Variants in PAPPA observed in about 807,000 individuals in gnomAD.
PAPPA encodes pappalysin 1, also known as pappalysin-1.
In PAPPA, 60 loss-of-function variants were observed where a neutral mutation model predicts 164.0. The ratio of observed to expected loss-of-function variants is 0.37; its 90% CI spans 0.30 to 0.45. PAPPA has a LOEUF of 0.45. PAPPA is among the 20% of genes least tolerant of loss of function. The pLI, the probability that PAPPA is intolerant of heterozygous loss-of-function variation, is 1.00. For synonymous variants in PAPPA, 875 were observed against 814.1 expected (o/e 1.07, Z -1.27); for missense variants, 1,782 against 2,087.3 (o/e 0.85, Z 2.85).
intron 7 of PAPPA, among the ~76,000 whole-genome samples, chr9:116,252,464 G>A (rs1285158652): frequency 6.6e-6 from 1 of 152,218 alleles, no homozygotes; most frequent in Non-Finnish European, 1.5e-5. Flanking sequence ...TCCTCAGCAT[G>A]ACAGCTTTGC....
Position 116,375,128 on chromosome 9 carries a change from C to G in PAPPA, c.4606-2448C>G, listed in dbSNP as rs181681893. 1.1e-3 allele frequency among the ~76,000 whole-genome samples: 167 copies of G among 152,292 alleles called. 3 individuals carry two copies. The South Asian group carries it at 0.028, about 26-fold the overall frequency. ...AACAAGTCTATGATGTTTTCAGTACCTATCTTGTGGATGAGAGAACCAAAT... is the reference window on the plus strand; with the variant it reads ...AACAAGTCTATGATGTTTTCAGTACGTATCTTGTGGATGAGAGAACCAAAT... On this transcript the variant is annotated intron_variant, in intron 19 of 21. Transcript: ENST00000328252.
At chr9:116,282,693 G>A (rs1299158350) in intron 9 of PAPPA, among the ~76,000 whole-genome samples, 1 of 152,134 alleles carries the variant, frequency 6.6e-6, no homozygotes, top group African/African-American at 2.4e-5. Flanking sequence ...ACTAATTTAT[G>A]CTACATCTCC....
At chr9:116,343,741 T>TTTTTTTTATTTATTTATTTA (rs1554753946) in intron 13 of PAPPA, among the ~76,000 whole-genome samples, 10 of 142,228 alleles carry the variant, frequency 7.0e-5, no homozygotes, top group Non-Finnish European at 1.1e-4. Flanking sequence ...TACCACTTAT[T>TTTTTTTTATTTATTTATTTA]TTTATTTATT....
chr9:116,283,940 G>A (rs985185669), intron 9 of PAPPA, among the ~76,000 whole-genome samples: 1 of 152,176 alleles, frequency 6.6e-6, no homozygotes, highest in South Asian at 2.1e-4. Context: ...CTGCCTCAGG[G>A]TTCATCCCCC....
At chr9:116,334,755 A>T (rs891023904) in intron 12 of PAPPA, 106 bp from the exon 13 acceptor site, 1 of 720,948 alleles carries the variant, frequency 1.4e-6, no homozygotes, top group African/African-American at 1.8e-5. Flanking sequence ...GCTTTTGTGC[A>T]GTGACATGAA....
intron 13 of PAPPA, among the ~76,000 whole-genome samples, chr9:116,339,484 A>C (rs1038773431): frequency 6.6e-6 from 1 of 152,174 alleles, no homozygotes; most frequent in African/African-American, 2.4e-5. Context: ...AGAACCTTTT[A>C]GGATCATTCC....
chr9:116,315,860 C>T (rs977850140), intron 10 of PAPPA, among the ~76,000 whole-genome samples: 2 of 152,156 alleles, frequency 1.3e-5, no homozygotes, highest in Non-Finnish European at 2.9e-5. Context: ...ATAGTAATCA[C>T]AGAAATTGAT....
chr9:116,401,923 C>T lies in PAPPA; in HGVS notation c.*5307C>T, dbSNP rs888668041. The T allele has an allele frequency of 5.3e-5, 8 of 151,504 alleles. No homozygotes were observed. Among genetic ancestry groups the T allele is most frequent in the Non-Finnish European group, 8.9e-5 (6 of 67,796 alleles). The allele number at this position is 151,504 out of a possible 1,614,324, so 9.4% of individuals were successfully genotyped here. On this transcript the variant is annotated 3_prime_UTR_variant, in exon 22 of 22. Transcript: ENST00000328252. ...AAACACCAAAAACTAAACACAATTC[C>T]AATCCTTTTTCTGTACCTCACGCGC... is the stretch of plus-strand genomic sequence containing the variant.
At chr9:116,227,960 T>C (rs1251081691) in intron 6 of PAPPA, among the ~76,000 whole-genome samples, 1 of 152,196 alleles carries the variant, frequency 6.6e-6, no homozygotes, top group Non-Finnish European at 1.5e-5. Flanking sequence ...TCTTCTGTTA[T>C]TTCTTAGACT....
chr9:116,368,720 C>T (rs1434663281), intron 19 of PAPPA, among the ~76,000 whole-genome samples: 3 of 152,152 alleles, frequency 2.0e-5, no homozygotes, highest in South Asian at 2.1e-4. Flanking sequence ...GCGGGGTGGG[C>T]GAGGTTCAGC....
intron 6 of PAPPA, among the ~76,000 whole-genome samples, chr9:116,227,818 C>T (rs117214326): frequency 6.6e-6 from 1 of 152,254 alleles, no homozygotes; most frequent in Non-Finnish European, 1.5e-5. Context: ...GGCCACACAC[C>T]TGATACAAAC....
At chr9:116,364,596 C>T (rs1225443351) in intron 18 of PAPPA, among the ~76,000 whole-genome samples, 1 of 152,148 alleles carries the variant, frequency 6.6e-6, no homozygotes, top group Non-Finnish European at 1.5e-5. Context: ...CTTCAACAAA[C>T]ACAAACACAT....
In PAPPA at chr9:116,396,791, A is replaced by C. The variant is rs946785631; in HGVS notation, c.*175A>C. ...GACTCACATTGGGGCGAATGAACCA[A>C]GTTTCGCCATGCTGGATGATGAAAT... On this transcript the variant is annotated 3_prime_UTR_variant, in exon 22 of 22. Transcript: ENST00000328252. 11 of 590,368 alleles carry C rather than the reference A, an allele frequency of 1.9e-5. No individual in the cohort carries two copies. Among genetic ancestry groups the C allele is most frequent in the Non-Finnish European group, 3.0e-5 (10 of 330,132 alleles). 36.6% of individuals were successfully genotyped at this position (590,368 alleles called of 1,614,324 possible). A position where few individuals can be genotyped will look rare whatever the true frequency, so the allele number is the denominator to read the frequency against.
intron 21 of PAPPA, among the ~76,000 whole-genome samples, chr9:116,391,574 T>C (rs1266951816): frequency 6.6e-6 from 1 of 152,350 alleles, no homozygotes; most frequent in Middle Eastern, 3.4e-3. Context: ...TATAGTTGCC[T>C]GAGCTGCATT....
chr9:116,154,032 G>T lies in PAPPA; in HGVS notation c.-141G>T, dbSNP rs1843565741. 5 of 1,078,180 alleles carry T rather than the reference G, an allele frequency of 4.6e-6. No individual in the cohort carries two copies. The South Asian group carries it at 1.1e-4, about 24-fold the overall frequency. 66.8% of individuals were successfully genotyped at this position (1,078,180 alleles called of 1,614,324 possible). On this transcript the variant is annotated 5_prime_UTR_variant, in exon 1 of 22. Coordinates refer to ENST00000328252, the MANE Select transcript of PAPPA (RefSeq NM_002581.5). This position sits in a 1 kb window ranked among gnomAD's most constrained non-coding sequence, Gnocchi z 5.2. ...ACACCTTGAGGAGGAAAGCGAGAAAGAAAAGAAAAAAGCAAGTGGAAAGGG... is the reference window on the plus strand; with the variant it reads ...ACACCTTGAGGAGGAAAGCGAGAAATAAAAGAAAAAAGCAAGTGGAAAGGG...
intron 1 of PAPPA, among the ~76,000 whole-genome samples, chr9:116,180,806 C>A (rs1843896040): frequency 6.6e-6 from 1 of 152,100 alleles, no homozygotes; most frequent in South Asian, 2.1e-4. Flanking sequence ...GCTAGAGTCC[C>A]CCTCAGCTGT....
chr9:116,391,266 G>A (rs10124434), intron 21 of PAPPA, among the ~76,000 whole-genome samples: 1 of 152,122 alleles, frequency 6.6e-6, no homozygotes, highest in East Asian at 1.9e-4. Flanking sequence ...ACTTACAGGG[G>A]AATCCTCGTC....
chr9:116,225,954 A>G lies in PAPPA; in HGVS notation c.2112-1477A>G, dbSNP rs950202124. ...TGAAATAAAAAGATGGTTATTAGAT[A>G]TTGACTTTGTCCTCAAGGACCTCAC... On this transcript the variant is annotated intron_variant, in intron 5 of 21. Coordinates refer to ENST00000328252, the MANE Select transcript of PAPPA (RefSeq NM_002581.5). 5.9e-5 allele frequency among the ~76,000 whole-genome samples: 9 copies of G among 152,306 alleles called. No individual in the cohort carries two copies. In the South Asian group the frequency reaches 6.2e-4, roughly 11 times the overall value.
chr9:116,216,495 T>C lies in PAPPA; in HGVS notation c.1919-3442T>C, dbSNP rs1271065229. Among the ~76,000 whole-genome samples the C allele has an allele frequency of 2.6e-5, 4 of 152,154 alleles. No individual in the cohort carries two copies. In the South Asian group the frequency reaches 6.2e-4, roughly 24 times the overall value. On this transcript the variant is annotated intron_variant, in intron 4 of 21. Coordinates refer to ENST00000328252, the MANE Select transcript of PAPPA (RefSeq NM_002581.5). ...CTGAAGTCCCGAAGTTCTTTCTGCTTTGGGACAAGATACAGACAGAAGAAC... is the reference window on the plus strand; with the variant it reads ...CTGAAGTCCCGAAGTTCTTTCTGCTCTGGGACAAGATACAGACAGAAGAAC...
Sources: allele counts gnomAD v4.1 joint callset (sites outside exome capture counted in the v4.1 genomes callset), GRCh38; gene constraint gnomAD v4.1.1; non-coding constraint Gnocchi (gnomAD v3.1); transcripts MANE v1.5; gene names NCBI Gene and HGNC (gene_info 2026-07-23, HGNC 2026-07-21).